PRELID2: variants seen among roughly 807,000 people sequenced by gnomAD.
PRELID2 encodes PRELI domain-containing protein 2.
PRELID2 carries 25 observed loss-of-function variants against 28.4 expected under a neutral mutation model. The observed-to-expected ratio is 0.88, with a 90% CI of 0.64 to 1.23. The LOEUF is 1.23. Among genes scored for constraint, PRELID2 ranks in the 50% most tolerant of loss-of-function variants. The pLI is 0.00. For synonymous variants in PRELID2, 76 were observed against 71.6 expected (o/e 1.06, Z -0.31); for missense variants, 201 against 214.4 (o/e 0.94, Z 0.39).
At chr5:145,516,710 A>C (rs1256442688) in intron 1 of PRELID2, among the ~76,000 whole-genome samples, 1 of 152,210 alleles carries the variant, frequency 6.6e-6, no homozygotes, top group African/African-American at 2.4e-5. Flanking sequence ...ATAAAGCTGA[A>C]GGCACCACAC....
At chr5:145,745,874 T>C (rs1756978800) in intron 1 of PRELID2, among the ~76,000 whole-genome samples, 1 of 90,014 alleles carries the variant, frequency 1.1e-5, no homozygotes, top group Admixed American at 1.2e-4. Context: ...AAAAAAAAAA[T>C]GAAAAGAATT....
At chr5:145,304,190 T>C in the PRELID2 span, among the ~76,000 whole-genome samples, 2 of 152,214 alleles carry the variant, frequency 1.3e-5, no homozygotes, top group Non-Finnish European at 2.9e-5. Context: ...AAACACTTAC[T>C]ATATACAAGT....
chr5:145,527,721 C>T (rs1001486495), intron 1 of PRELID2, among the ~76,000 whole-genome samples: 1 of 152,170 alleles, frequency 6.6e-6, no homozygotes, highest in Non-Finnish European at 1.5e-5. Flanking sequence ...TACCACTCAC[C>T]TTCAGCAAGT....
intron 1 of PRELID2, among the ~76,000 whole-genome samples, chr5:145,704,915 C>G (rs1329560325): frequency 6.6e-6 from 1 of 152,204 alleles, no homozygotes; most frequent in South Asian, 2.1e-4. Flanking sequence ...CAGGAAGGAG[C>G]TGAGAGTCAT....
At chr5:145,696,156 CTTTTTT>C (rs10591669) in intron 1 of PRELID2, among the ~76,000 whole-genome samples, 1,304 of 60,036 alleles carry the variant, frequency 0.022, 24 homozygotes, top group African/African-American at 0.062. Context: ...TAAATAATAG[CTTTTTT>C]TTTTTTTTTT....
At chr5:145,493,739 AC>A (rs1457946596) in intron 1 of PRELID2, among the ~76,000 whole-genome samples, 2 of 151,862 alleles carry the variant, frequency 1.3e-5, no homozygotes, top group Non-Finnish European at 2.9e-5. Flanking sequence ...TTCCTTCCCC[AC>A]CAGACAAAAT....
At chr5:145,774,228 G>A (rs571415099) in intron 5 of PRELID2, among the ~76,000 whole-genome samples, 5 of 152,160 alleles carry the variant, frequency 3.3e-5, no homozygotes, top group Non-Finnish European at 7.3e-5. Flanking sequence ...TTCCAGGTAA[G>A]AAAACTCAGC....
At chr5:145,494,243 C>A (rs568225337) in intron 1 of PRELID2, among the ~76,000 whole-genome samples, 1 of 152,284 alleles carries the variant, frequency 6.6e-6, no homozygotes, top group East Asian at 1.9e-4. Flanking sequence ...AAACTATATT[C>A]TGTGCTATGC....
chr5:145,349,222 TA>T, the PRELID2 span, among the ~76,000 whole-genome samples: 8 of 152,178 alleles, frequency 5.3e-5, no homozygotes, highest in South Asian at 1.2e-3. Flanking sequence ...GTTCTGTTTT[TA>T]TATGTTTCTC....
At chr5:145,459,712 G>A in the PRELID2 span, among the ~76,000 whole-genome samples, 1 of 151,658 alleles carries the variant, frequency 6.6e-6, no homozygotes, top group African/African-American at 2.4e-5. Context: ...GCATAATCAT[G>A]TCCCCCCAAA....
chr5:145,766,092 G>A (rs1369885390), intron 5 of PRELID2, among the ~76,000 whole-genome samples: 1 of 152,120 alleles, frequency 6.6e-6, no homozygotes, highest in East Asian at 1.9e-4. Context: ...TAAAGGACAA[G>A]TTTTACAGAC....
intron 4 of PRELID2, among the ~76,000 whole-genome samples, chr5:145,817,425 A>ATATATATATT (rs1440834824): frequency 4.5e-5 from 6 of 133,920 alleles, no homozygotes; most frequent in Non-Finnish European, 6.5e-5. Context: ...CTAGTTTTAT[A>ATATATATATT]TATATATATA....
At chr5:145,269,932 T>C in the PRELID2 span, among the ~76,000 whole-genome samples, 1 of 149,726 alleles carries the variant, frequency 6.7e-6, no homozygotes, top group Non-Finnish European at 1.5e-5. Context: ...TATAATTAAG[T>C]ATATACAACA....
chr5:145,232,801 A>C, the PRELID2 span, among the ~76,000 whole-genome samples: 2 of 152,098 alleles, frequency 1.3e-5, no homozygotes, highest in South Asian at 4.1e-4. Flanking sequence ...TTCTTAATCT[A>C]CCAAATAATA....
chr5:145,349,934 C>T, the PRELID2 span, among the ~76,000 whole-genome samples: 1 of 152,008 alleles, frequency 6.6e-6, no homozygotes, highest in Non-Finnish European at 1.5e-5. Context: ...AATTATTAAG[C>T]TCATATTATG....
chr5:145,319,677 TC>T, the PRELID2 span, among the ~76,000 whole-genome samples: 2 of 126,236 alleles, frequency 1.6e-5, no homozygotes, highest in Admixed American at 1.8e-4. Flanking sequence ...AGACTCCATC[TC>T]AAAAATAAAT....
the PRELID2 span, among the ~76,000 whole-genome samples, chr5:145,231,383 C>A: frequency 6.6e-6 from 1 of 152,100 alleles, no homozygotes; most frequent in African/African-American, 2.4e-5. Flanking sequence ...CAAAAGATTA[C>A]CCACTCTAAA....
chr5:145,640,706 A>G (rs1215292024), intron 1 of PRELID2, among the ~76,000 whole-genome samples: 1 of 152,126 alleles, frequency 6.6e-6, no homozygotes, highest in East Asian at 1.9e-4. Context: ...AGGCAAGGCC[A>G]AGTGTCTTCA....
At position 145,759,613 on chromosome 5, in the gene PRELID2, A is replaced by T. The variant is rs888361986; in HGVS notation, c.*923T>A. The T allele has an allele frequency of 6.6e-6, 1 of 152,244 alleles. No homozygotes were observed. The highest frequency in any genetic ancestry group is 2.4e-5 in the African/African-American group (1 of 41,456). The allele number at this position is 152,244 out of a possible 1,614,324, so 9.4% of individuals were successfully genotyped here. ...ATCATCTTGTTTCACAAATTTTTTT[A>T]AATGAGATTCAGAAAGATTTAAAAT... On this transcript the variant is annotated 3_prime_UTR_variant, in exon 7 of 7. Coordinates refer to ENST00000683046, the MANE Select transcript of PRELID2 (RefSeq NM_205846.3).
Sources: allele counts gnomAD v4.1 joint callset (sites outside exome capture counted in the v4.1 genomes callset), GRCh38; gene constraint gnomAD v4.1.1; transcripts MANE v1.5; gene names NCBI Gene and HGNC (gene_info 2026-07-23, HGNC 2026-07-21).